POTEJ: variants seen among roughly 807,000 people sequenced by gnomAD.
The protein encoded by POTEJ is POTE ankyrin domain family, member J.
Under a neutral mutation model 69.0 loss-of-function variants are expected in POTEJ, and 11 were observed. The ratio of observed to expected loss-of-function variants is 0.16; its 90% CI spans 0.10 to 0.26. POTEJ has a LOEUF of 0.26. Ranked by LOEUF, POTEJ falls within the 10% of genes least tolerant of loss-of-function variation. POTEJ has a pLI of 1.00. For synonymous variants in POTEJ, 117 were observed against 381.1 expected (o/e 0.31, Z 8.07); for missense variants, 327 against 1,045.5 (o/e 0.31, Z 9.48).
rs371912355 is a variant in POTEJ at position 130,624,368 on chromosome 2, A to C, written c.1015+234A>C. ...GTAGAATCCGTGGAAGCTCTGAACT[A>C]ATTTTTCTGCAACTGGATGGTCTCA... On this transcript the variant is annotated intron_variant, in intron 6 of 14. Coordinates refer to ENST00000409602, the MANE Select transcript of POTEJ (RefSeq NM_001277083.2). 5.0e-3 allele frequency among the ~76,000 whole-genome samples: 656 copies of C among 130,090 alleles called. 16 individuals are homozygous for C. The highest frequency in any genetic ancestry group is 0.013 in the African/African-American group (359 of 27,164). 85.3% of individuals were successfully genotyped at this position (130,090 alleles called of 152,430 possible).
At chr2:130,639,364 C>A (rs1396826496) in intron 10 of POTEJ, among the ~76,000 whole-genome samples, 1 of 152,310 alleles carries the variant, frequency 6.6e-6, no homozygotes, top group Non-Finnish European at 1.5e-5. Flanking sequence ...CTCACTATTA[C>A]TGACTTCATT....
At chr2:130,613,312 A>G (rs1253463916) in intron 1 of POTEJ, among the ~76,000 whole-genome samples, 1 of 134,240 alleles carries the variant, frequency 7.4e-6, no homozygotes, top group South Asian at 2.3e-4. Context: ...ATGTATATAT[A>G]CATATATATA....
Position 130,656,814 on chromosome 2 carries a change from C to G in POTEJ, c.2054C>G (p.Ala685Gly). ...TCTGGCATGTGCAAGGCCGGCTTTG[C>G]GGGCGACGATGCCCCCCGGGCTGTC... ...NGSGMCKAGFAGDDAPRAVFP... is the reference protein window; with the variant it reads ...NGSGMCKAGFGGDDAPRAVFP... The change falls in exon 15 of 15, where the codon GCG (alanine) becomes GGG (glycine). Residue 685 changes from alanine (A) to glycine (G), a missense_variant. Coordinates refer to ENST00000409602, the MANE Select transcript of POTEJ (RefSeq NM_001277083.2). 6.2e-7 allele frequency: 1 copy of G among 1,608,690 alleles called. No individual in the cohort carries two copies. Among genetic ancestry groups the G allele is most frequent in the East Asian group, 2.2e-5 (1 of 44,890 alleles).
intron 14 of POTEJ, 52 bp from the exon 15 acceptor site, chr2:130,656,497 A>G (rs1178102031): frequency 5.0e-5 from 78 of 1,565,520 alleles, no homozygotes; most frequent in Non-Finnish European, 6.2e-5. Context: ...AAAAGAAATC[A>G]TGTTATGTCA....
intron 6 of POTEJ, among the ~76,000 whole-genome samples, chr2:130,626,774 T>C (rs1313514653): frequency 4.6e-5 from 7 of 152,170 alleles, no homozygotes; most frequent in Admixed American, 4.6e-4. Flanking sequence ...CACCCGTCCT[T>C]AGTGAAATAC....
chr2:130,641,091 G>A (rs1435330886), intron 10 of POTEJ, among the ~76,000 whole-genome samples: 2 of 152,084 alleles, frequency 1.3e-5, no homozygotes, highest in African/African-American at 4.8e-5. Context: ...TAGTGTGAAA[G>A]CCACCATGAT....
intron 10 of POTEJ, among the ~76,000 whole-genome samples, chr2:130,640,096 G>A (rs994535587): frequency 2.7e-5 from 4 of 149,678 alleles, no homozygotes; most frequent in Non-Finnish European, 4.4e-5. Flanking sequence ...AGGATTTAAT[G>A]TAAGCATGCA....
rs1423021024 is a variant in POTEJ at position 130,632,107 on chromosome 2, G to A, written c.1132-383G>A. ...TTTAATGTAAAATCTAGGTGGTAAA[G>A]ACAGAAGACACATTTTGCATCTTTG... On this transcript the variant is annotated intron_variant, in intron 8 of 14. Coordinates refer to ENST00000409602, the MANE Select transcript of POTEJ (RefSeq NM_001277083.2). 1.3e-5 allele frequency among the ~76,000 whole-genome samples: 2 copies of A among 149,446 alleles called. 1 individual carries two copies. The highest frequency in any genetic ancestry group is 5.1e-5 in the African/African-American group (2 of 38,954).
At chr2:130,629,012 C>T (rs756843408) in intron 6 of POTEJ, among the ~76,000 whole-genome samples, 4 of 150,880 alleles carry the variant, frequency 2.7e-5, no homozygotes, top group Non-Finnish European at 5.9e-5. Context: ...GAGCAAGACC[C>T]TGGCTCAAAA....
At chr2:130,639,425 G>A (rs1348283716) in intron 10 of POTEJ, among the ~76,000 whole-genome samples, 1 of 152,304 alleles carries the variant, frequency 6.6e-6, no homozygotes, top group Non-Finnish European at 1.5e-5. Flanking sequence ...GGAACAAGAT[G>A]TGTTCTTCCA....
intron 13 of POTEJ, among the ~76,000 whole-genome samples, chr2:130,649,365 TTCTC>T (rs1181003665): frequency 6.6e-6 from 1 of 152,380 alleles, no homozygotes; most frequent in African/African-American, 2.4e-5. Context: ...TGACTGATCT[TTCTC>T]TCTGTCCTGA....
intron 1 of POTEJ, among the ~76,000 whole-genome samples, chr2:130,613,416 T>A (rs78674449): frequency 1.0e-5 from 1 of 100,412 alleles, no homozygotes; most frequent in Non-Finnish European, 2.0e-5. Flanking sequence ...ATATACTTTT[T>A]TTTTTGGTGG....
chr2:130,655,229 A>G (rs1157330888), intron 14 of POTEJ, among the ~76,000 whole-genome samples, 188 bp downstream of exon 14: 3 of 152,066 alleles, frequency 2.0e-5, no homozygotes, highest in South Asian at 2.1e-4. Context: ...TTTGCCTGCA[A>G]CAGTTGAGTA....
chr2:130,636,861 G>A (rs1209693844), intron 9 of POTEJ, among the ~76,000 whole-genome samples: 1 of 147,522 alleles, frequency 6.8e-6, no homozygotes, highest in Non-Finnish European at 1.5e-5. Flanking sequence ...GGGAGGCCAA[G>A]GCAGGCGGAT....
chr2:130,625,864 C>T lies in POTEJ; in HGVS notation c.1015+1730C>T, dbSNP rs1167120292. On this transcript the variant is annotated intron_variant, in intron 6 of 14. Coordinates refer to ENST00000409602, the MANE Select transcript of POTEJ (RefSeq NM_001277083.2). ...ATCCTGTGTGCCATGGGAAATTTAC[C>T]GGGTAGAATGCTTTGGACTGCAAAT... 4.5e-5 allele frequency among the ~76,000 whole-genome samples: 6 copies of T among 133,780 alleles called. 1 individual carries two copies. The highest frequency in any genetic ancestry group is 3.9e-4 in the East Asian group (2 of 5,118). The allele number at this position is 133,780 out of a possible 152,430, so 87.8% of individuals were successfully genotyped here. A position where few individuals can be genotyped will look rare whatever the true frequency, so the allele number is the denominator to read the frequency against.
intron 6 of POTEJ, among the ~76,000 whole-genome samples, chr2:130,627,587 A>AT (rs1305186886): frequency 6.8e-5 from 9 of 132,252 alleles, no homozygotes; most frequent in East Asian, 2.0e-4. Context: ...ATACACTTTG[A>AT]TTTTTTCCCC....
rs548766853 is a variant in POTEJ, at chr2:130,643,525, A to T, written c.1370-458A>T. 1.4e-5 allele frequency among the ~76,000 whole-genome samples: 2 copies of T among 143,176 alleles called. 1 individual carries two copies. The highest frequency in any genetic ancestry group is 3.1e-5 in the Non-Finnish European group (2 of 64,656). The allele number at this position is 143,176 out of a possible 152,430, so 93.9% of individuals were successfully genotyped here. ...AGGAAGACCCTGACTCATTAAAAAAAAAAAAAGAAAAAAAGAAAATAAATT... is the reference window on the plus strand; with the variant it reads ...AGGAAGACCCTGACTCATTAAAAAATAAAAAAGAAAAAAAGAAAATAAATT... On this transcript the variant is annotated intron_variant, in intron 10 of 14. Transcript: ENST00000409602.
chr2:130,618,295 A>T (rs1685438026), intron 3 of POTEJ, among the ~76,000 whole-genome samples: 1 of 152,310 alleles, frequency 6.6e-6, no homozygotes, highest in Non-Finnish European at 1.5e-5. Flanking sequence ...GAGAAATGAG[A>T]CTGAAGTAAT....
chr2:130,651,985 A>G lies in POTEJ; in HGVS notation c.1668-2936A>G, dbSNP rs1193007622. ...TTAAAAATAAGGATACCCCCCCCCA[A>G]TAGTTTGGCTTTGTGTTTCTATGCA... is the stretch of plus-strand genomic sequence containing the variant. On this transcript the variant is annotated intron_variant, in intron 13 of 14. Coordinates refer to ENST00000409602, the MANE Select transcript of POTEJ (RefSeq NM_001277083.2). 5.3e-5 allele frequency among the ~76,000 whole-genome samples: 7 copies of G among 132,658 alleles called. 2 individuals carry two copies. Among genetic ancestry groups the G allele is most frequent in the African/African-American group, 2.1e-4 (6 of 28,376 alleles). The allele number at this position is 132,658 out of a possible 152,430, so 87.0% of individuals were successfully genotyped here.
Sources: allele counts gnomAD v4.1 joint callset (sites outside exome capture counted in the v4.1 genomes callset), GRCh38; gene constraint gnomAD v4.1.1; transcripts MANE v1.5; gene names NCBI Gene and HGNC (gene_info 2026-07-23, HGNC 2026-07-21).